ADAMTS2: variants seen among roughly 807,000 people sequenced by gnomAD.
ADAMTS2 encodes the protein A disintegrin and metalloproteinase with thrombospondin motifs 2.
ADAMTS2 carries 50 observed loss-of-function variants against 123.0 expected under a neutral mutation model. The ratio of observed to expected loss-of-function variants is 0.41; its 90% CI spans 0.32 to 0.51. The LOEUF (loss-of-function observed/expected upper bound fraction) is 0.51, where lower values mean the gene tolerates loss of function less well. ADAMTS2 is among the 20% of genes least tolerant of loss of function. The pLI, the probability that ADAMTS2 is intolerant of heterozygous loss-of-function variation, is 0.35. For missense variants in ADAMTS2, 1,494 were observed against 1,705.2 expected (o/e 0.88, Z 2.18); for synonymous variants, 678 against 695.4 (o/e 0.98, Z 0.39).
chr5:179,171,601 C>T (rs1483176626), intron 5 of ADAMTS2, among the ~76,000 whole-genome samples: 1 of 152,182 alleles, frequency 6.6e-6, no homozygotes, highest in Non-Finnish European at 1.5e-5. Context: ...CAGGAGATCC[C>T]CGGGATGGAG....
intron 5 of ADAMTS2, among the ~76,000 whole-genome samples, chr5:179,171,075 C>T (rs1246443700): frequency 6.6e-6 from 1 of 152,214 alleles, no homozygotes; most frequent in African/African-American, 2.4e-5. Flanking sequence ...AATAAAAATC[C>T]AGACCTAGAG....
At chr5:179,259,608 C>T (rs1766160836) in intron 3 of ADAMTS2, among the ~76,000 whole-genome samples, 2 of 152,230 alleles carry the variant, frequency 1.3e-5, no homozygotes, top group South Asian at 4.1e-4. Flanking sequence ...GCATTGCTGC[C>T]CTCAGGCACC....
chr5:179,239,244 G>A (rs1384285925), intron 3 of ADAMTS2, among the ~76,000 whole-genome samples: 1 of 152,108 alleles, frequency 6.6e-6, no homozygotes, highest in African/African-American at 2.4e-5. Flanking sequence ...CCGTGGAGAT[G>A]GTGAGAAGTG....
chr5:179,217,795 AGGGGGGG>A (rs1765022045), intron 3 of ADAMTS2, among the ~76,000 whole-genome samples: 3 of 91,716 alleles, frequency 3.3e-5, no homozygotes, highest in African/African-American at 1.1e-4. Context: ...GGATGGCGCA[AGGGGGGG>A]ATGGGCACAC....
In ADAMTS2 at chr5:179,188,555, G is replaced by A. The variant is rs1367715454; in HGVS notation, c.892-7400C>T. On this transcript the variant is annotated intron_variant, in intron 4 of 21. Coordinates refer to ENST00000251582, the MANE Select transcript of ADAMTS2 (RefSeq NM_014244.5). The surrounding 1 kb of genome is among the most constrained non-coding windows in gnomAD (Gnocchi z 5.1). Reference sequence around the variant, plus strand: ...TCGGCTCCTCAGCAGATGCTTCAGAGGGAATGCTAGAAGAAACGTGACTCT... The same window carrying A: ...TCGGCTCCTCAGCAGATGCTTCAGAAGGAATGCTAGAAGAAACGTGACTCT... 6.6e-6 allele frequency among the ~76,000 whole-genome samples: 1 copy of A among 152,190 alleles called. No homozygotes were observed. The highest frequency in any genetic ancestry group is 1.5e-5 in the Non-Finnish European group (1 of 68,032).
chr5:179,204,343 T>C (rs1022200147), intron 4 of ADAMTS2, among the ~76,000 whole-genome samples: 1 of 152,254 alleles, frequency 6.6e-6, no homozygotes, highest in Admixed American at 6.5e-5. Flanking sequence ...CGGTGACTTA[T>C]GTTCTGTATA....
chr5:179,153,259 G>A (rs1183564873), intron 9 of ADAMTS2, among the ~76,000 whole-genome samples: 1 of 152,012 alleles, frequency 6.6e-6, no homozygotes, highest in African/African-American at 2.4e-5. Context: ...CCTGGTCACA[G>A]TCCTGTCCCC....
At chr5:179,195,301 C>A (rs2113346805) in intron 4 of ADAMTS2, among the ~76,000 whole-genome samples, 1 of 152,264 alleles carries the variant, frequency 6.6e-6, no homozygotes, top group African/African-American at 2.4e-5. Context: ...GTGCTCCCAA[C>A]AGCCCCGGGA....
chr5:179,261,168 A>G (rs546584007), intron 3 of ADAMTS2, among the ~76,000 whole-genome samples: 1 of 152,236 alleles, frequency 6.6e-6, no homozygotes, highest in Non-Finnish European at 1.5e-5. Context: ...ATCCCAATAT[A>G]TAAGACCCCA....
chr5:179,299,450 A>AC (rs1430507968), intron 2 of ADAMTS2, among the ~76,000 whole-genome samples: 1 of 135,018 alleles, frequency 7.4e-6, no homozygotes, highest in Non-Finnish European at 1.6e-5. Flanking sequence ...AATGGTGTGA[A>AC]CCCAGGAGGC....
intron 3 of ADAMTS2, among the ~76,000 whole-genome samples, chr5:179,224,601 G>C (rs1486305702): frequency 6.6e-6 from 1 of 152,250 alleles, no homozygotes; most frequent in Non-Finnish European, 1.5e-5. Flanking sequence ...TGGGCAGGGG[G>C]ATGAGAGGGC....
intron 4 of ADAMTS2, among the ~76,000 whole-genome samples, chr5:179,194,606 C>T (rs1243920565): frequency 1.3e-5 from 2 of 152,204 alleles, no homozygotes; most frequent in South Asian, 2.1e-4. Context: ...TGGGAGCTCT[C>T]GATCTTCAGG....
intron 4 of ADAMTS2, 23 bp downstream of exon 4, chr5:179,207,490 G>GGCC: frequency 1.8e-6 from 1 of 546,850 alleles, no homozygotes; most frequent in Non-Finnish European, 3.0e-6. Context: ...GCCCCACCCT[G>GGCC]CCCCCTCAGC....
intron 2 of ADAMTS2, among the ~76,000 whole-genome samples, chr5:179,323,195 A>G (rs553602756): frequency 4.6e-5 from 7 of 152,346 alleles, no homozygotes; most frequent in African/African-American, 1.7e-4. Flanking sequence ...ATCTGATGGA[A>G]AATCCATCCG....
chr5:179,283,672 T>C (rs1278159217), intron 2 of ADAMTS2, among the ~76,000 whole-genome samples: 2 of 151,360 alleles, frequency 1.3e-5, no homozygotes, highest in Non-Finnish European at 2.9e-5. Flanking sequence ...TCTGGGAGGC[T>C]GAGGCAGTTA....
At chr5:179,207,471 A>ACCCAGGC in intron 4 of ADAMTS2, 42 bp downstream of exon 4, 1 of 1,026,474 alleles carries the variant, frequency 9.7e-7, no homozygotes, top group Non-Finnish European at 1.5e-6. Context: ...CCCCTGGTTG[A>ACCCAGGC]CCCTCCCCGC....
At chr5:179,301,165 A>AG (rs1756505901) in intron 2 of ADAMTS2, among the ~76,000 whole-genome samples, 1 of 152,050 alleles carries the variant, frequency 6.6e-6, no homozygotes, top group African/African-American at 2.4e-5. Context: ...AAAAAAAAAA[A>AG]AAAAAGACAG....
Position 179,135,970 on chromosome 5 carries a change from T to C in ADAMTS2, c.2024A>G (p.His675Arg), listed in dbSNP as rs1267348207. 2 of 1,613,466 alleles carry C rather than the reference T, an allele frequency of 1.2e-6. No homozygotes were observed. The highest frequency in any genetic ancestry group is 2.2e-5 in the South Asian group (2 of 91,082). The change falls in exon 13 of 22, where the codon CAT becomes CGT. Residue 675 changes from histidine to arginine, a missense_variant. His to Arg is a conservative substitution (Grantham distance 29, BLOSUM62 0). This residue lies in a region of ADAMTS2 where 953 missense variants were observed against 1,124.7 expected (regional missense o/e 0.85). Transcript: ENST00000251582. ...GEVVSMKRMV[H>R]DGTRCSYKDA... is the part of the protein sequence containing the mutation. ...CTTGTAGGAGCAGCGCGTCCCGTCA[T>C]GCACCATGCGCTTCATGGACACCAC...
chr5:179,152,031 C>T lies in ADAMTS2; in HGVS notation c.1629+111G>A, dbSNP rs528131218. 4.3e-6 allele frequency: 4 copies of T among 926,134 alleles called. No homozygotes were observed. In the African/African-American group the frequency reaches 4.9e-5, roughly 11 times the overall value. The allele number at this position is 926,134 out of a possible 1,614,324, so 57.4% of individuals were successfully genotyped here. ...GGGGAAAGGAGAGGGCAGCAGAGGT[C>T]CCCTGAGAGGGCCCCCACCCCCACT... On this transcript the variant is annotated intron_variant, in intron 10 of 21. Transcript: ENST00000251582.
Sources: gnomAD v4.1 joint callset for allele counts (sites outside exome capture counted in the v4.1 genomes callset) on GRCh38, gnomAD v4.1.1 for gene constraint, gnomAD v4.1.1 regional missense constraint, Gnocchi (gnomAD v3.1) non-coding constraint, MANE v1.5 for transcripts, NCBI Gene and HGNC (gene_info 2026-07-23, HGNC 2026-07-21) for gene names.